GALNTL6: variants seen among roughly 807,000 people sequenced by gnomAD.
GALNTL6 encodes polypeptide N-acetylgalactosaminyltransferase like 6.
GALNTL6 carries 46 observed loss-of-function variants against 73.7 expected under a neutral mutation model. That is an observed-to-expected ratio of 0.62 (90% CI 0.49 to 0.80). The LOEUF is 0.80. Ranked by LOEUF, GALNTL6 falls within the 30% of genes least tolerant of loss-of-function variation. The pLI, the probability that GALNTL6 is intolerant of heterozygous loss-of-function variation, is 0.00. For missense variants in GALNTL6, 604 were observed against 755.0 expected, an observed-to-expected ratio of 0.80 and a Z score of 2.34; for synonymous variants, 259 against 263.7, an observed-to-expected ratio of 0.98 and a Z score of 0.17.
chr4:172,617,403 CAA>C (rs34182269), intron 5 of GALNTL6, among the ~76,000 whole-genome samples: 3,398 of 116,896 alleles, frequency 0.029, 126 homozygotes, highest in African/African-American at 0.086. Context: ...GAAAGACACT[CAA>C]AAAAAAAAAA....
chr4:172,302,728 C>G lies in GALNTL6; in HGVS notation c.248-8886C>G, dbSNP rs554389316. 9.9e-5 allele frequency among the ~76,000 whole-genome samples: 15 copies of G among 152,104 alleles called. No homozygotes were observed. The South Asian group carries it at 3.1e-3, about 32-fold the overall frequency. ...TCAGAAAAATTCACCAGAGTGTTCA[C>G]CTGTGCCTGGAGTTTTCAACTTTTA... On this transcript the variant is annotated intron_variant, in intron 3 of 12. Transcript: ENST00000506823.
At chr4:172,090,358 A>C (rs913048966) in intron 2 of GALNTL6, among the ~76,000 whole-genome samples, 1 of 152,190 alleles carries the variant, frequency 6.6e-6, no homozygotes, top group African/African-American at 2.4e-5. Flanking sequence ...CCTCTCCAGC[A>C]TCTGTTGTTT....
chr4:172,093,998 G>C (rs923975019), intron 2 of GALNTL6, among the ~76,000 whole-genome samples: 1 of 152,078 alleles, frequency 6.6e-6, no homozygotes, highest in Non-Finnish European at 1.5e-5. Flanking sequence ...CCACTGCCCC[G>C]GTCTGTGGAA....
intron 5 of GALNTL6, among the ~76,000 whole-genome samples, chr4:172,397,086 C>G (rs1743874491): frequency 2.6e-5 from 4 of 151,972 alleles, no homozygotes; most frequent in Middle Eastern, 3.2e-3. Flanking sequence ...GGGAGGCTAC[C>G]TAGGTATATA....
intron 8 of GALNTL6, among the ~76,000 whole-genome samples, chr4:172,885,414 G>A (rs182637411): frequency 6.6e-6 from 1 of 152,190 alleles, no homozygotes; most frequent in East Asian, 1.9e-4. Flanking sequence ...TTCTGTTAGT[G>A]TATAGCAACT....
At chr4:172,103,928 G>GT (rs1553992683) in intron 2 of GALNTL6, among the ~76,000 whole-genome samples, 1 of 148,900 alleles carries the variant, frequency 6.7e-6, no homozygotes, top group Admixed American at 6.7e-5. Context: ...ACAGGTTTTT[G>GT]TTTTTTTCTT....
At chr4:172,466,175 G>C (rs1264363933) in intron 5 of GALNTL6, among the ~76,000 whole-genome samples, 6 of 152,142 alleles carry the variant, frequency 3.9e-5, no homozygotes, top group African/African-American at 1.4e-4. Flanking sequence ...TCACAAGATG[G>C]CAAGAATTAA....
intron 5 of GALNTL6, among the ~76,000 whole-genome samples, chr4:172,599,440 T>TTGC (rs1214725756): frequency 6.6e-6 from 1 of 152,160 alleles, no homozygotes; most frequent in Non-Finnish European, 1.5e-5. Flanking sequence ...TTTTAATGTA[T>TTGC]TGCTGAGTTA....
chr4:172,724,679 A>C (rs1735687241), intron 5 of GALNTL6, among the ~76,000 whole-genome samples: 1 of 152,210 alleles, frequency 6.6e-6, no homozygotes, highest in Non-Finnish European at 1.5e-5. Context: ...TGAGTGAATT[A>C]AGAAGGGAAG....
Position 171,886,204 on chromosome 4 carries a change from A to ATC in GALNTL6, c.138+71486_138+71487insTC, listed in dbSNP as rs1229886853. 4.7e-4 allele frequency among the ~76,000 whole-genome samples: 72 copies of ATC among 152,316 alleles called. No homozygotes were observed. In the East Asian group the frequency reaches 0.011, roughly 23 times the overall value. On this transcript the variant is annotated intron_variant, in intron 2 of 12. Transcript: ENST00000506823. Reference sequence around the variant, plus strand: ...AAAAATATAATTCAATTTATAGTGAACAAAAATATTTTAAAGGCAAACTCA... The same window carrying ATC: ...AAAAATATAATTCAATTTATAGTGAATCCAAAAATATTTTAAAGGCAAACTCA...
chr4:171,954,328 T>A (rs1738980382), intron 2 of GALNTL6, among the ~76,000 whole-genome samples: 1 of 152,204 alleles, frequency 6.6e-6, no homozygotes, highest in Non-Finnish European at 1.5e-5. Context: ...AAAAAACATT[T>A]TTGTAGCATA....
At chr4:172,632,039 A>G (rs781041938) in intron 5 of GALNTL6, among the ~76,000 whole-genome samples, 3 of 152,340 alleles carry the variant, frequency 2.0e-5, no homozygotes, top group African/African-American at 7.2e-5. Context: ...GCTGCCATAT[A>G]AGATGTGACT....
intron 7 of GALNTL6, among the ~76,000 whole-genome samples, chr4:172,831,520 A>G (rs1175869916): frequency 6.6e-6 from 1 of 152,210 alleles, no homozygotes. Flanking sequence ...AGCACAAATA[A>G]AGAAAGGTGG....
intron 2 of GALNTL6, among the ~76,000 whole-genome samples, chr4:171,823,185 T>C (rs1217703813): frequency 2.0e-5 from 3 of 152,178 alleles, no homozygotes; most frequent in Admixed American, 1.3e-4. Context: ...AAAATTATAC[T>C]AGATTAAATG....
In GALNTL6 at chr4:172,809,335, C is replaced by G. The variant is rs1406744516; in HGVS notation, c.554-26C>G. 8 of 1,598,440 alleles carry G rather than the reference C, an allele frequency of 5.0e-6. No homozygotes were observed. Among genetic ancestry groups the G allele is most frequent in the Non-Finnish European group, 6.8e-6 (8 of 1,169,080 alleles). On this transcript the variant is annotated intron_variant, in intron 5 of 12. Transcript: ENST00000506823. The surrounding 1 kb of genome is among the most constrained non-coding windows in gnomAD (Gnocchi z 4.4). ...CTGCAACTAATGTTTTGCGTTTTTT[C>G]TATGCATTCTCTACTTCCTACCTAG... is the stretch of plus-strand genomic sequence containing the variant.
At chr4:172,025,669 A>T (rs1456921499) in intron 2 of GALNTL6, among the ~76,000 whole-genome samples, 6 of 151,992 alleles carry the variant, frequency 3.9e-5, no homozygotes, top group Non-Finnish European at 8.8e-5. Flanking sequence ...TATACTAGTC[A>T]AGCAATAAGA....
intron 2 of GALNTL6, among the ~76,000 whole-genome samples, chr4:172,145,685 C>T (rs1291125782): frequency 6.6e-6 from 1 of 152,160 alleles, no homozygotes; most frequent in African/African-American, 2.4e-5. Flanking sequence ...AAACATTTTA[C>T]TTCTCAGATC....
chr4:172,151,252 T>C (rs1331890033), intron 2 of GALNTL6, among the ~76,000 whole-genome samples: 1 of 152,174 alleles, frequency 6.6e-6, no homozygotes, highest in Non-Finnish European at 1.5e-5. Flanking sequence ...CTAAGCTTGT[T>C]TCAAATAGCT....
chr4:172,521,649 G>T (rs1254233053), intron 5 of GALNTL6, among the ~76,000 whole-genome samples: 1 of 152,068 alleles, frequency 6.6e-6, no homozygotes, highest in Non-Finnish European at 1.5e-5. Context: ...TAATTTTAGG[G>T]TAATAAAGAA....
Sources: allele counts gnomAD v4.1 joint callset (sites outside exome capture counted in the v4.1 genomes callset), GRCh38; gene constraint gnomAD v4.1.1; non-coding constraint Gnocchi (gnomAD v3.1); transcripts MANE v1.5; gene names NCBI Gene and HGNC (gene_info 2026-07-23, HGNC 2026-07-21).